GPHN: variants seen among roughly 807,000 people sequenced by gnomAD.
GPHN encodes the protein gephyrin.
Under a neutral mutation model 95.5 loss-of-function variants are expected in GPHN, and 17 were observed. That is an observed-to-expected ratio of 0.18 (90% confidence interval 0.12 to 0.27). GPHN has a LOEUF of 0.27. GPHN is among the 10% of genes least tolerant of loss of function. The pLI is 1.00. For synonymous variants in GPHN, 320 were observed against 322.5 expected (o/e 0.99, Z 0.08); for missense variants, 660 against 978.1 (o/e 0.67, Z 4.34).
chr14:67,681,722 C>T, the GPHN span, among the ~76,000 whole-genome samples: 4 of 152,126 alleles, frequency 2.6e-5, no homozygotes, highest in African/African-American at 9.7e-5. Context: ...GCGGAGGTTG[C>T]AGTGAGCAGC....
rs548881627 is a variant in GPHN at position 66,630,532 on chromosome 14, C to T, written c.65-50575C>T. On this transcript the variant is annotated intron_variant, in intron 1 of 22. Transcript: ENST00000478722. ...AGTCGCCCAGGCTGTGGTGCAGTGG[C>T]GCGATCTCAGCTCACTGGAAGCTCC... Among the ~76,000 whole-genome samples, 43 of 151,324 alleles carry T rather than the reference C, an allele frequency of 2.8e-4. 1 individual carries two copies. The highest frequency in any genetic ancestry group is 5.3e-4 in the Non-Finnish European group (36 of 67,670).
chr14:67,378,983 G>T, the GPHN span, among the ~76,000 whole-genome samples: 1 of 151,824 alleles, frequency 6.6e-6, no homozygotes, highest in East Asian at 1.9e-4. Context: ...GTATCTTTTT[G>T]TAGCTTGCAT....
chr14:67,672,181 C>T, the GPHN span, among the ~76,000 whole-genome samples: 1 of 149,512 alleles, frequency 6.7e-6, no homozygotes, highest in Non-Finnish European at 1.5e-5. Flanking sequence ...TGCAGTGGTG[C>T]GATCTTGGCT....
intron 1 of GPHN, among the ~76,000 whole-genome samples, chr14:66,528,209 A>G (rs1035686815): frequency 6.6e-6 from 1 of 152,138 alleles, no homozygotes; most frequent in African/African-American, 2.4e-5. Context: ...TCCCTTTACC[A>G]TTATGTAATG....
At chr14:66,545,688 C>T (rs2059551744) in intron 1 of GPHN, among the ~76,000 whole-genome samples, 1 of 135,222 alleles carries the variant, frequency 7.4e-6, no homozygotes, top group Non-Finnish European at 1.6e-5. Flanking sequence ...GGCGGCCGGG[C>T]AGAGGCGCCC....
At chr14:67,615,430 G>C in the GPHN span, 1 of 221,706 alleles carries the variant, frequency 4.5e-6, no homozygotes, top group East Asian at 1.1e-4. Flanking sequence ...GGGCAAGTGA[G>C]AGCCGGATGG....
At chr14:67,480,397 C>T in the GPHN span, among the ~76,000 whole-genome samples, 3 of 152,178 alleles carry the variant, frequency 2.0e-5, no homozygotes, top group African/African-American at 7.2e-5. Flanking sequence ...AGGTGAGCCT[C>T]CAGCTTCCCT....
chr14:67,371,143 G>C, the GPHN span, among the ~76,000 whole-genome samples: 12 of 152,000 alleles, frequency 7.9e-5, no homozygotes, highest in Non-Finnish European at 1.5e-5. Flanking sequence ...GGCCAGGCAC[G>C]GTGGCTCACA....
chr14:67,662,180 A>AAC, the GPHN span, among the ~76,000 whole-genome samples: 3 of 143,330 alleles, frequency 2.1e-5, no homozygotes, highest in Admixed American at 7.0e-5. Flanking sequence ...CAACAACAAC[A>AAC]AAAAAAAAAA....
At chr14:66,943,028 T>C (rs1470604167) in intron 8 of GPHN, among the ~76,000 whole-genome samples, 1 of 152,238 alleles carries the variant, frequency 6.6e-6, no homozygotes, top group Non-Finnish European at 1.5e-5. Flanking sequence ...TAAGAGTATC[T>C]TGTGCTTTCA....
the GPHN span, among the ~76,000 whole-genome samples, chr14:67,278,836 G>A: frequency 6.6e-6 from 1 of 151,986 alleles, no homozygotes; most frequent in African/African-American, 2.4e-5. Context: ...ACTTTTTGGG[G>A]GAGGGGGGAA....
At chr14:67,385,665 T>TC in the GPHN span, 1 of 148,840 alleles carries the variant, frequency 6.7e-6, no homozygotes, top group African/African-American at 2.4e-5. Flanking sequence ...TTTCTTTTTT[T>TC]TTTTTTTTTT....
intron 10 of GPHN, among the ~76,000 whole-genome samples, chr14:67,052,669 T>A (rs2075359148): frequency 6.6e-6 from 1 of 152,200 alleles, no homozygotes; most frequent in Non-Finnish European, 1.5e-5. Context: ...ATATGGCACT[T>A]ACTCCTAAAA....
chr14:67,625,214 A>G, the GPHN span, among the ~76,000 whole-genome samples: 1 of 152,224 alleles, frequency 6.6e-6, no homozygotes, highest in Non-Finnish European at 1.5e-5. Flanking sequence ...AAAATGGACC[A>G]AAGTCCTAAA....
At chr14:67,586,167 C>G in the GPHN span, 63 of 1,544,368 alleles carry the variant, frequency 4.1e-5, no homozygotes, top group African/African-American at 5.4e-5. Context: ...AGAAAGGAAA[C>G]TGGGGTTATG....
intron 1 of GPHN, among the ~76,000 whole-genome samples, chr14:66,571,503 T>G (rs1357230844): frequency 6.6e-6 from 1 of 152,128 alleles, no homozygotes; most frequent in Non-Finnish European, 1.5e-5. Flanking sequence ...TAGAATCCCA[T>G]TTGTCTATTT....
chr14:66,669,737 TTA>T (rs2066191939), intron 1 of GPHN, among the ~76,000 whole-genome samples: 1 of 152,182 alleles, frequency 6.6e-6, no homozygotes, highest in South Asian at 2.1e-4. Context: ...TGTATTTCAG[TTA>T]TTGTGTTTTT....
At chr14:67,186,784 T>C (rs893187458), downstream of GPHN, among the ~76,000 whole-genome samples, 3 of 152,174 alleles carry the variant, frequency 2.0e-5, no homozygotes, top group Non-Finnish European at 2.9e-5. Context: ...AACCTATTAT[T>C]GAACCTAACA....
the GPHN span, among the ~76,000 whole-genome samples, chr14:67,308,234 T>TA: frequency 0.086 from 12,005 of 138,814 alleles, 1,170 homozygotes; most frequent in African/African-American, 0.24. Flanking sequence ...CTTAACAGTT[T>TA]AAAAAAAAAA....
Sources: gnomAD v4.1 joint callset for allele counts (sites outside exome capture counted in the v4.1 genomes callset) on GRCh38, gnomAD v4.1.1 for gene constraint, MANE v1.5 for transcripts, NCBI Gene and HGNC (gene_info 2026-07-23, HGNC 2026-07-21) for gene names.